The following CDK19 variants were observed in gnomAD, a reference collection of about 807,000 sequenced individuals.
The protein encoded by CDK19 is cyclin-dependent kinase 19.
Under a neutral mutation model 68.3 loss-of-function variants are expected in CDK19, and 20 were observed. That is an observed-to-expected ratio of 0.29 (90% CI 0.21 to 0.43). CDK19 has a LOEUF of 0.43. Ranked by LOEUF, CDK19 falls within the 20% of genes least tolerant of loss-of-function variation. The pLI is 1.00. For missense variants in CDK19, 339 were observed against 623.5 expected (o/e 0.54, Z 4.86); for synonymous variants, 221 against 222.8 (o/e 0.99, Z 0.07).
At chr6:110,796,666 TAAAA>T (rs998351764) in intron 1 of CDK19, among the ~76,000 whole-genome samples, 1 of 150,984 alleles carries the variant, frequency 6.6e-6, no homozygotes, top group Non-Finnish European at 1.5e-5. Flanking sequence ...AATAAATAAA[TAAAA>T]ATAAAATACA....
At chr6:110,768,584 CAT>C (rs2114982744) in intron 1 of CDK19, among the ~76,000 whole-genome samples, 1 of 152,250 alleles carries the variant, frequency 6.6e-6, no homozygotes, top group South Asian at 2.1e-4. Flanking sequence ...CATGACAAGA[CAT>C]AGAGGATTCT....
chr6:110,704,093 T>C (rs1774236108), intron 2 of CDK19, among the ~76,000 whole-genome samples: 1 of 152,220 alleles, frequency 6.6e-6, no homozygotes, highest in South Asian at 2.1e-4. Context: ...AGTTGTTGTT[T>C]TTGGTGTCAA....
intron 1 of CDK19, among the ~76,000 whole-genome samples, chr6:110,748,291 G>A (rs1179186693): frequency 1.3e-5 from 2 of 152,138 alleles, no homozygotes; most frequent in African/African-American, 4.8e-5. Context: ...AATGGCTTTT[G>A]AATTTCACAT....
chr6:110,784,847 TA>T (rs941756391), intron 1 of CDK19, among the ~76,000 whole-genome samples: 3 of 152,078 alleles, frequency 2.0e-5, no homozygotes, highest in African/African-American at 7.2e-5. Flanking sequence ...TTATGCTGAG[TA>T]AAAGCAGCAA....
At chr6:110,618,958 C>T (rs79581912) in intron 12 of CDK19, among the ~76,000 whole-genome samples, 2,483 of 152,260 alleles carry the variant, frequency 0.016, 25 homozygotes, top group Non-Finnish European at 0.028. Flanking sequence ...ACACCCATGA[C>T]ATTTTCTCCA....
intron 2 of CDK19, among the ~76,000 whole-genome samples, chr6:110,671,439 G>A (rs1247861666): frequency 1.3e-5 from 2 of 152,168 alleles, no homozygotes; most frequent in African/African-American, 4.8e-5. Context: ...GTAAAGCTCT[G>A]TGAAAGATGC....
At chr6:110,812,380 C>T (rs1051000927) in intron 1 of CDK19, among the ~76,000 whole-genome samples, 1 of 152,152 alleles carries the variant, frequency 6.6e-6, no homozygotes, top group African/African-American at 2.4e-5. Flanking sequence ...CCTCGGCCTC[C>T]CAAAGTGCTG....
intron 1 of CDK19, among the ~76,000 whole-genome samples, chr6:110,782,056 C>T (rs767012037): frequency 2.2e-4 from 33 of 152,158 alleles, no homozygotes; most frequent in Non-Finnish European, 1.5e-4. Context: ...ATCTGCTATA[C>T]TCAACTAATA....
At chr6:110,763,511 G>A (rs917879751) in intron 1 of CDK19, among the ~76,000 whole-genome samples, 1 of 150,770 alleles carries the variant, frequency 6.6e-6, no homozygotes, top group Admixed American at 6.6e-5. Flanking sequence ...CGCCTCCCAG[G>A]TTCAAGCAAT....
At chr6:110,811,181 C>A (rs1440500171) in intron 1 of CDK19, among the ~76,000 whole-genome samples, 3 of 152,180 alleles carry the variant, frequency 2.0e-5, no homozygotes, top group Non-Finnish European at 4.4e-5. Flanking sequence ...AATCTTTAAT[C>A]TTCTGTAAGT....
chr6:110,631,370 C>A (rs1162690767), intron 6 of CDK19, among the ~76,000 whole-genome samples: 1 of 152,166 alleles, frequency 6.6e-6, no homozygotes, highest in African/African-American at 2.4e-5. Context: ...ACAGCTGGGC[C>A]GTGTGAGGAT....
At chr6:110,728,287 CA>C (rs951995109) in intron 2 of CDK19, among the ~76,000 whole-genome samples, 4,098 of 87,130 alleles carry the variant, frequency 0.047, 61 homozygotes, top group South Asian at 0.13. Context: ...GACTCCATCT[CA>C]AAAAAAAAAA....
chr6:110,672,717 T>G (rs1214726825), intron 2 of CDK19, among the ~76,000 whole-genome samples: 1 of 152,222 alleles, frequency 6.6e-6, no homozygotes, highest in Non-Finnish European at 1.5e-5. Context: ...TGCACTTTGT[T>G]TGTTTTCTTA....
intron 2 of CDK19, among the ~76,000 whole-genome samples, chr6:110,676,049 G>T (rs1242523910): frequency 6.6e-6 from 1 of 152,146 alleles, no homozygotes; most frequent in African/African-American, 2.4e-5. Flanking sequence ...CACCATTCTA[G>T]ATGCCATTAA....
chr6:110,774,237 C>A (rs1780235831), intron 1 of CDK19, among the ~76,000 whole-genome samples: 3 of 152,182 alleles, frequency 2.0e-5, no homozygotes, highest in Admixed American at 1.3e-4. Flanking sequence ...AATTTATATA[C>A]ACTGAAAGTA....
At chr6:110,706,671 C>G (rs1014935610) in intron 2 of CDK19, 1 of 151,596 alleles carries the variant, frequency 6.6e-6, no homozygotes, top group Non-Finnish European at 1.5e-5. Context: ...CCTCGGCCTC[C>G]CAAAGTGCTG....
chr6:110,700,224 C>T (rs1773876963), intron 2 of CDK19, among the ~76,000 whole-genome samples: 1 of 152,152 alleles, frequency 6.6e-6, no homozygotes, highest in Non-Finnish European at 1.5e-5. Flanking sequence ...TCAGAGTTCC[C>T]ACTGATTACA....
chr6:110,772,028 A>G (rs1046747226), intron 1 of CDK19, among the ~76,000 whole-genome samples: 6 of 152,094 alleles, frequency 3.9e-5, no homozygotes, highest in African/African-American at 9.7e-5. Flanking sequence ...ACATTTTCCT[A>G]TCTTCTTCTG....
intron 1 of CDK19, among the ~76,000 whole-genome samples, chr6:110,777,686 T>C (rs538377239): frequency 6.6e-6 from 1 of 152,324 alleles, no homozygotes; most frequent in South Asian, 2.1e-4. Context: ...AGGAGATACT[T>C]CTATACCCAT....
Sources: gnomAD v4.1 joint callset for allele counts (sites outside exome capture counted in the v4.1 genomes callset) on GRCh38, gnomAD v4.1.1 for gene constraint, MANE v1.5 for transcripts, NCBI Gene and HGNC (gene_info 2026-07-23, HGNC 2026-07-21) for gene names.